The following MAP2K6 variants were observed in gnomAD, a reference collection of about 807,000 sequenced individuals.
MAP2K6 encodes the protein mitogen-activated protein kinase kinase 6, also known as dual specificity mitogen-activated protein kinase kinase 6.
Under a neutral mutation model 53.7 loss-of-function variants are expected in MAP2K6, and 16 were observed. That is an observed-to-expected ratio of 0.30 (90% CI 0.20 to 0.45). MAP2K6 has a LOEUF of 0.45. MAP2K6 is among the 20% of genes least tolerant of loss of function. The pLI is 1.00. For synonymous variants in MAP2K6, 132 were observed against 143.1 expected, an observed-to-expected ratio of 0.92 and a Z score of 0.55; for missense variants, 204 against 411.9, an observed-to-expected ratio of 0.50 and a Z score of 4.37.
chr17:69,519,972 A>G (rs1910379171), intron 5 of MAP2K6: 2 of 317,468 alleles, frequency 6.3e-6, no homozygotes, highest in Admixed American at 9.6e-5. Context: ...GTATCAGTAA[A>G]GGCCTGGATA....
intron 7 of MAP2K6, among the ~76,000 whole-genome samples, chr17:69,523,260 C>T (rs1271338891): frequency 6.6e-6 from 1 of 152,104 alleles, no homozygotes; most frequent in East Asian, 1.9e-4. Flanking sequence ...ATCATAAAAT[C>T]AGTGGAGAAA....
intron 1 of MAP2K6, among the ~76,000 whole-genome samples, chr17:69,467,283 T>C (rs1211961311): frequency 6.6e-6 from 1 of 152,242 alleles, no homozygotes; most frequent in Non-Finnish European, 1.5e-5. Flanking sequence ...AATTTGTGTT[T>C]TGATACTTGT....
intron 2 of MAP2K6, among the ~76,000 whole-genome samples, chr17:69,512,920 A>G (rs1598301309): frequency 6.6e-6 from 1 of 152,206 alleles, no homozygotes; most frequent in Admixed American, 6.5e-5. Context: ...TAATTATCAT[A>G]CTAAACCGAA....
chr17:69,415,160 CAGAG>C (rs61758037), intron 1 of MAP2K6, among the ~76,000 whole-genome samples, 160 bp downstream of exon 1: 2,076 of 152,250 alleles, frequency 0.014, 15 homozygotes, highest in Middle Eastern at 0.045. Flanking sequence ...TTTGCAGACA[CAGAG>C]AGTTCCTGTA....
At chr17:69,455,718 T>TC (rs1289142510) in intron 1 of MAP2K6, among the ~76,000 whole-genome samples, 4 of 152,026 alleles carry the variant, frequency 2.6e-5, no homozygotes, top group Non-Finnish European at 5.9e-5. Context: ...TTGTTCTTTT[T>TC]CCCTCCGCCC....
intron 11 of MAP2K6, among the ~76,000 whole-genome samples, chr17:69,539,513 A>G (rs138742708): frequency 2.6e-5 from 4 of 152,148 alleles, no homozygotes; most frequent in East Asian, 1.9e-4. Context: ...CACACTTTCC[A>G]TTTGTCATGC....
In MAP2K6 at chr17:69,415,008, G is replaced by A; in HGVS notation, c.16+8G>A. 6.5e-7 allele frequency: 1 copy of A among 1,549,304 alleles called. No homozygotes were observed. The highest frequency in any genetic ancestry group is 8.9e-7 in the Non-Finnish European group (1 of 1,121,134). ...AAATGTCTCAGTCGAAAGGTAAGAG[G>A]CTGTTTGCATTAGTTGCAAAAATGC... On this transcript the variant is annotated splice_region_variant and intron_variant, in intron 1 of 11. Transcript: ENST00000590474.
At chr17:69,427,271 C>G (rs759100477) in intron 1 of MAP2K6, among the ~76,000 whole-genome samples, 3 of 152,142 alleles carry the variant, frequency 2.0e-5, no homozygotes, top group Non-Finnish European at 4.4e-5. Context: ...TTATTTACCT[C>G]AAGTAAAATA....
intron 1 of MAP2K6, among the ~76,000 whole-genome samples, chr17:69,419,443 C>T (rs539910517): frequency 6.6e-6 from 1 of 152,234 alleles, no homozygotes; most frequent in East Asian, 1.9e-4. Flanking sequence ...AAGTAAATTG[C>T]TCTTCAGGAA....
intron 1 of MAP2K6, among the ~76,000 whole-genome samples, chr17:69,455,035 ATT>A (rs34777682): frequency 9.5e-4 from 123 of 130,158 alleles, no homozygotes; most frequent in Middle Eastern, 4.2e-3. Context: ...TACTATTATT[ATT>A]TTTTTTTTTT....
intron 1 of MAP2K6, among the ~76,000 whole-genome samples, chr17:69,421,250 C>T (rs1451224103): frequency 6.6e-6 from 1 of 152,142 alleles, no homozygotes; most frequent in Non-Finnish European, 1.5e-5. Context: ...CTGATATTCC[C>T]ATTATGTATT....
intron 1 of MAP2K6, among the ~76,000 whole-genome samples, chr17:69,475,649 G>A (rs1478360301): frequency 6.6e-6 from 1 of 152,222 alleles, no homozygotes; most frequent in Admixed American, 6.5e-5. Context: ...ATAGGAGATA[G>A]TTGGTTGCCT....
chr17:69,444,056 C>G lies in MAP2K6; in HGVS notation c.16+29056C>G, dbSNP rs374108234. 1.7e-3 allele frequency among the ~76,000 whole-genome samples: 256 copies of G among 152,238 alleles called. 11 individuals are homozygous for G. The South Asian group carries it at 0.05, about 30-fold the overall frequency. ...TTAAAGATTATTTCACTAAAAAGTC[C>G]ATGCTCTTCTTCTAACATCCCATTC... On this transcript the variant is annotated intron_variant, in intron 1 of 11. Transcript: ENST00000590474.
intron 1 of MAP2K6, among the ~76,000 whole-genome samples, chr17:69,457,992 A>C (rs7214371): frequency 0.24 from 36,410 of 151,986 alleles, 4,531 homozygotes; most frequent in Middle Eastern, 0.29. Context: ...CCTTAGAATT[A>C]AGGGAGTCCT....
At chr17:69,515,845 A>G (rs1184836217) in intron 2 of MAP2K6, among the ~76,000 whole-genome samples, 1 of 152,180 alleles carries the variant, frequency 6.6e-6, no homozygotes, top group Non-Finnish European at 1.5e-5. Flanking sequence ...CGAGATTTGA[A>G]ATTCTTATGT....
chr17:69,513,286 A>G (rs1909963572), intron 2 of MAP2K6, among the ~76,000 whole-genome samples: 1 of 152,186 alleles, frequency 6.6e-6, no homozygotes, highest in African/African-American at 2.4e-5. Flanking sequence ...AGTTCCTTGT[A>G]TTCAGTCTGC....
intron 5 of MAP2K6, chr17:69,519,779 G>T: frequency 4.0e-6 from 1 of 247,932 alleles, no homozygotes; most frequent in Non-Finnish European, 7.7e-6. Context: ...GCTTCATCTA[G>T]CCTACTTGTG....
At chr17:69,497,251 T>C (rs928699611) in intron 1 of MAP2K6, among the ~76,000 whole-genome samples, 5 of 152,186 alleles carry the variant, frequency 3.3e-5, no homozygotes, top group Admixed American at 1.3e-4. Context: ...TTAATCAGCA[T>C]AGGAAGGTTC....
chr17:69,545,649 T>G lies in MAP2K6; in HGVS notation c.*3896T>G, dbSNP rs1455574841. The G allele has an allele frequency of 6.6e-6, 1 of 152,328 alleles. No individual in the cohort carries two copies. 9.4% of individuals were successfully genotyped at this position (152,328 alleles called of 1,614,324 possible). ...AATATATACTTAATAGTTCAGTGTT[T>G]TAAGTAATTAGGTCCCAACAGCTTA... On this transcript the variant is annotated 3_prime_UTR_variant, in exon 12 of 12. Coordinates refer to ENST00000590474, the MANE Select transcript of MAP2K6 (RefSeq NM_002758.4).
Sources: allele counts gnomAD v4.1 joint callset (sites outside exome capture counted in the v4.1 genomes callset), GRCh38; gene constraint gnomAD v4.1.1; transcripts MANE v1.5; gene names NCBI Gene and HGNC (gene_info 2026-07-23, HGNC 2026-07-21).